RANBP17: variants seen among roughly 807,000 people sequenced by gnomAD.
RANBP17 encodes the protein ran-binding protein 17.
RANBP17 carries 158 observed loss-of-function variants against 141.2 expected under a neutral mutation model. The observed-to-expected ratio is 1.12, with a 90% CI of 0.98 to 1.28. The LOEUF (loss-of-function observed/expected upper bound fraction) is 1.28. Among genes scored for constraint, RANBP17 ranks in the 50% most tolerant of loss-of-function variants. The probability of loss-of-function intolerance (pLI) is 0.00; values close to 1 mark genes in which losing one functional copy is unlikely to be tolerated. For synonymous variants in RANBP17, 430 were observed against 450.0 expected (o/e 0.96, Z 0.56); for missense variants, 1,438 against 1,290.7 (o/e 1.11, Z -1.75).
intron 14 of RANBP17, among the ~76,000 whole-genome samples, chr5:171,086,695 A>G (rs997903987): frequency 1.1e-4 from 16 of 149,484 alleles, no homozygotes; most frequent in African/African-American, 2.0e-4. Context: ...GTCTTGGGAG[A>G]GTGTATGTGT....
chr5:171,089,680 G>A (rs1240870611), intron 14 of RANBP17, among the ~76,000 whole-genome samples: 33 of 152,146 alleles, frequency 2.2e-4, no homozygotes, highest in Admixed American at 3.3e-4. Flanking sequence ...TTTTTAAGCC[G>A]GTCTGAAAAG....
At chr5:170,963,998 C>G (rs546918016) in intron 13 of RANBP17, among the ~76,000 whole-genome samples, 43 of 151,994 alleles carry the variant, frequency 2.8e-4, no homozygotes, top group Admixed American at 1.2e-3. Flanking sequence ...AATTTTTAAC[C>G]TCGCCTAAAT....
chr5:171,001,255 T>A (rs1211640814), intron 14 of RANBP17, among the ~76,000 whole-genome samples: 1 of 152,066 alleles, frequency 6.6e-6, no homozygotes, highest in African/African-American at 2.4e-5. Flanking sequence ...AGAAGGAGCG[T>A]TTGTCATATC....
chr5:171,224,942 TCTTG>T (rs1224268197), intron 22 of RANBP17, among the ~76,000 whole-genome samples: 1 of 152,230 alleles, frequency 6.6e-6, no homozygotes, highest in Non-Finnish European at 1.5e-5. Context: ...TGTAAGCCTC[TCTTG>T]CTTCAGTTTC....
At chr5:170,980,039 G>A (rs1417603416) in intron 14 of RANBP17, among the ~76,000 whole-genome samples, 1 of 152,106 alleles carries the variant, frequency 6.6e-6, no homozygotes, top group Non-Finnish European at 1.5e-5. Context: ...GATCTCAGAT[G>A]GAGATGAGGA....
chr5:170,954,964 C>T (rs900214877), intron 13 of RANBP17, among the ~76,000 whole-genome samples: 19 of 152,242 alleles, frequency 1.2e-4, no homozygotes, highest in African/African-American at 4.1e-4. Context: ...GCCTGAGCTC[C>T]GCCTCCTGTC....
chr5:170,945,991 C>G (rs1049458055), intron 12 of RANBP17, among the ~76,000 whole-genome samples: 1 of 152,106 alleles, frequency 6.6e-6, no homozygotes, highest in Non-Finnish European at 1.5e-5. Flanking sequence ...GAAGGTCTGT[C>G]TAGCTAATTG....
intron 14 of RANBP17, among the ~76,000 whole-genome samples, chr5:171,037,262 T>C (rs1439333886): frequency 6.6e-6 from 1 of 152,090 alleles, no homozygotes; most frequent in Non-Finnish European, 1.5e-5. Flanking sequence ...TGAGAAGTGT[T>C]GATTCATGTC....
intron 14 of RANBP17, among the ~76,000 whole-genome samples, chr5:171,129,513 T>G (rs1756747329): frequency 6.6e-6 from 1 of 152,164 alleles, no homozygotes; most frequent in South Asian, 2.1e-4. Context: ...GAGCAACTTC[T>G]GTGGGTCAGG....
chr5:171,075,693 C>G (rs1161941340), intron 14 of RANBP17, among the ~76,000 whole-genome samples: 2 of 152,174 alleles, frequency 1.3e-5, no homozygotes, highest in African/African-American at 4.8e-5. Flanking sequence ...TGGCTCAAGC[C>G]TGTAATCCCA....
chr5:171,241,061 G>T lies in RANBP17; in HGVS notation c.2556G>T (p.Lys852Asn). ...ATTATGTCAGCTTTGGCGTCTTCAA[G>T]TTGTATGGGGACAACCATTTTGACA... is the stretch of plus-strand genomic sequence containing the variant. ...CGNYVSFGVF[K>N]LYGDNHFDNV... is the part of the protein sequence containing the mutation. Residue 852 changes from lysine to asparagine, a missense_variant, in exon 23 of 28, where the codon AAG becomes AAT. Coordinates refer to ENST00000523189, the MANE Select transcript of RANBP17 (RefSeq NM_022897.5). The T allele has an allele frequency of 6.2e-7, 1 of 1,613,952 alleles. No individual in the cohort carries two copies. Among genetic ancestry groups the T allele is most frequent in the Non-Finnish European group, 8.5e-7 (1 of 1,179,926 alleles).
intron 7 of RANBP17, 116 bp downstream of exon 7, chr5:170,911,250 A>G: frequency 3.5e-6 from 3 of 854,966 alleles, no homozygotes; most frequent in Non-Finnish European, 5.5e-6. Flanking sequence ...GCTCAAATGG[A>G]TTTGTAACCT....
At chr5:171,072,536 A>T (rs914686804) in intron 14 of RANBP17, among the ~76,000 whole-genome samples, 1 of 152,168 alleles carries the variant, frequency 6.6e-6, no homozygotes, top group African/African-American at 2.4e-5. Context: ...AAAGATACTT[A>T]ACATCATTTA....
chr5:170,863,856 A>G (rs371005831), intron 1 of RANBP17, among the ~76,000 whole-genome samples: 1 of 150,700 alleles, frequency 6.6e-6, no homozygotes, highest in Non-Finnish European at 1.5e-5. Context: ...ACATTCCAAC[A>G]TAAGTACTTC....
chr5:171,216,369 T>C (rs1483484775), intron 21 of RANBP17, among the ~76,000 whole-genome samples: 1 of 152,212 alleles, frequency 6.6e-6, no homozygotes, highest in African/African-American at 2.4e-5. Flanking sequence ...TGCTAAGGAT[T>C]GTCTTGGCTA....
chr5:171,205,503 G>T, intron 19 of RANBP17, 21 bp from the exon 20 acceptor site: 1 of 1,605,098 alleles, frequency 6.2e-7, no homozygotes, highest in Non-Finnish European at 8.5e-7. Flanking sequence ...ATCAATTACT[G>T]TGTCTCTTTC....
chr5:171,254,502 C>G (rs1442567483), intron 24 of RANBP17, among the ~76,000 whole-genome samples: 1 of 152,152 alleles, frequency 6.6e-6, no homozygotes, highest in East Asian at 1.9e-4. Flanking sequence ...ACATTTTAAT[C>G]AAGTAGACTA....
chr5:170,957,873 T>C (rs1391002241), intron 13 of RANBP17, among the ~76,000 whole-genome samples: 1 of 152,150 alleles, frequency 6.6e-6, no homozygotes, highest in Non-Finnish European at 1.5e-5. Flanking sequence ...GAAATACACA[T>C]GAAACAAGAT....
At chr5:171,035,892 TTTTC>T (rs1338600691) in intron 14 of RANBP17, among the ~76,000 whole-genome samples, 4 of 151,640 alleles carry the variant, frequency 2.6e-5, no homozygotes, top group African/African-American at 4.8e-5. Flanking sequence ...GTAGGTTTTC[TTTTC>T]TTTCTTTCTT....
Sources: gnomAD v4.1 joint callset for allele counts (sites outside exome capture counted in the v4.1 genomes callset) on GRCh38, gnomAD v4.1.1 for gene constraint, MANE v1.5 for transcripts, NCBI Gene and HGNC (gene_info 2026-07-23, HGNC 2026-07-21) for gene names.